STK32B: variants seen among roughly 807,000 people sequenced by gnomAD.
STK32B encodes the protein serine/threonine kinase 32B.
Under a neutral mutation model 52.6 loss-of-function variants are expected in STK32B, and 43 were observed. The observed-to-expected ratio is 0.82, with a 90% CI of 0.64 to 1.05. The LOEUF (loss-of-function observed/expected upper bound fraction) is 1.05. Ranked by LOEUF, STK32B falls within the 50% of genes least tolerant of loss-of-function variation. The pLI, the probability that STK32B is intolerant of heterozygous loss-of-function variation, is 0.00. For missense variants in STK32B, 621 were observed against 534.6 expected, an observed-to-expected ratio of 1.16 and a Z score of -1.59; for synonymous variants, 238 against 204.3, an observed-to-expected ratio of 1.17 and a Z score of -1.41.
chr4:5,191,422 T>C (rs1003977566), intron 3 of STK32B, among the ~76,000 whole-genome samples: 1 of 152,004 alleles, frequency 6.6e-6, no homozygotes, highest in African/African-American at 2.4e-5. Flanking sequence ...GGCTAATTTT[T>C]GTTGTATTTT....
chr4:5,251,510 G>T (rs1047342313), intron 3 of STK32B, among the ~76,000 whole-genome samples: 4 of 152,084 alleles, frequency 2.6e-5, no homozygotes, highest in African/African-American at 9.7e-5. Context: ...AGTCAGGTAA[G>T]CATGAAGCCT....
chr4:5,255,461 T>C lies in STK32B; in HGVS notation c.261-75759T>C, dbSNP rs188944221. Among the ~76,000 whole-genome samples, 35 of 152,272 alleles carry C rather than the reference T, an allele frequency of 2.3e-4. No homozygotes were observed. In the East Asian group the frequency reaches 6.2e-3, roughly 27 times the overall value. On this transcript the variant is annotated intron_variant, in intron 3 of 11. Coordinates refer to ENST00000282908, the MANE Select transcript of STK32B (RefSeq NM_018401.3). ...TTTAGGTAACATACATACAGCAAAG[T>C]GAATTGGTCTTAACCAGATAGCTCA...
chr4:5,162,320 A>T (rs750321608), intron 2 of STK32B, among the ~76,000 whole-genome samples: 1 of 152,138 alleles, frequency 6.6e-6, no homozygotes, highest in African/African-American at 2.4e-5. Flanking sequence ...CTTCCCTGGG[A>T]TACATCTAAA....
chr4:5,297,248 G>T (rs1239405038), intron 3 of STK32B, among the ~76,000 whole-genome samples: 1 of 152,060 alleles, frequency 6.6e-6, no homozygotes, highest in Non-Finnish European at 1.5e-5. Context: ...TCTGACGATT[G>T]TATGTCTTTG....
intron 4 of STK32B, among the ~76,000 whole-genome samples, chr4:5,359,077 A>T (rs538653161): frequency 7.0e-4 from 106 of 152,290 alleles, no homozygotes; most frequent in African/African-American, 2.4e-3. Context: ...CTTGTGCAGG[A>T]CCTTGAGTGC....
At chr4:5,229,717 A>T (rs1724122939) in intron 3 of STK32B, among the ~76,000 whole-genome samples, 1 of 152,190 alleles carries the variant, frequency 6.6e-6, no homozygotes, top group Non-Finnish European at 1.5e-5. Context: ...AGGCAAATTT[A>T]AAATTATATA....
At chr4:5,154,940 A>C (rs1346992912) in intron 2 of STK32B, among the ~76,000 whole-genome samples, 1 of 152,154 alleles carries the variant, frequency 6.6e-6, no homozygotes. Flanking sequence ...CCCACTCGGG[A>C]TATGTGCCAG....
In STK32B at chr4:5,396,439, A is replaced by G. The variant is rs1040292270; in HGVS notation, c.435-1768A>G. Among the ~76,000 whole-genome samples, 1 of 152,096 alleles carries G rather than the reference A, an allele frequency of 6.6e-6. No individual in the cohort carries two copies. Among genetic ancestry groups the G allele is most frequent in the African/African-American group, 2.4e-5 (1 of 41,412 alleles). On this transcript the variant is annotated intron_variant, in intron 4 of 11. Transcript: ENST00000282908. The surrounding 1 kb of genome is among the most constrained non-coding windows in gnomAD (Gnocchi z 4.7). ...AGATCCTTAAGTAATTACCTCTGCAAAGACTCCATTTCCATATAGGGTCCC... is the reference window on the plus strand; with the variant it reads ...AGATCCTTAAGTAATTACCTCTGCAGAGACTCCATTTCCATATAGGGTCCC...
intron 7 of STK32B, among the ~76,000 whole-genome samples, chr4:5,449,465 A>G (rs1440142009): frequency 6.6e-6 from 1 of 152,230 alleles, no homozygotes; most frequent in Non-Finnish European, 1.5e-5. Flanking sequence ...GACCCAGGAA[A>G]ACAGCTGTTT....
chr4:5,171,185 T>G lies in STK32B; in HGVS notation c.260+2735T>G, dbSNP rs370820207. Among the ~76,000 whole-genome samples, 328 of 152,162 alleles carry G rather than the reference T, an allele frequency of 2.2e-3. 7 individuals are homozygous for G. In the East Asian group the frequency reaches 0.053, roughly 24 times the overall value. ...TTTTTTCTTGTAAATTTGTTTGAGT[T>G]CATTGTAGATTCTGGATATTAGCCC... On this transcript the variant is annotated intron_variant, in intron 3 of 11. Coordinates refer to ENST00000282908, the MANE Select transcript of STK32B (RefSeq NM_018401.3).
At chr4:5,496,381 C>T (rs1720250842) in intron 11 of STK32B, among the ~76,000 whole-genome samples, 1 of 152,216 alleles carries the variant, frequency 6.6e-6, no homozygotes, top group Non-Finnish European at 1.5e-5. Context: ...ACCCTCCGAG[C>T]CAGGTGCGGG....
chr4:5,077,513 T>A (rs1712153801), intron 1 of STK32B, among the ~76,000 whole-genome samples: 1 of 152,132 alleles, frequency 6.6e-6, no homozygotes, highest in African/African-American at 2.4e-5. Flanking sequence ...TCAGAATGGG[T>A]GCTTGAGGTA....
intron 3 of STK32B, among the ~76,000 whole-genome samples, chr4:5,261,174 C>A (rs557174054): frequency 6.6e-6 from 1 of 152,148 alleles, no homozygotes; most frequent in Non-Finnish European, 1.5e-5. Context: ...TGACATCCTT[C>A]ACTACAGCCT....
intron 4 of STK32B, among the ~76,000 whole-genome samples, chr4:5,349,315 A>G (rs1733676197): frequency 6.6e-6 from 1 of 152,200 alleles, no homozygotes; most frequent in Non-Finnish European, 1.5e-5. Flanking sequence ...GCAAAACTTC[A>G]GCAGAGCCTC....
rs1308070294 is a variant in STK32B at position 5,470,619 on chromosome 4, G to A, written c.1106+2549G>A. On this transcript the variant is annotated intron_variant, in intron 11 of 11. Coordinates refer to ENST00000282908, the MANE Select transcript of STK32B (RefSeq NM_018401.3). The surrounding 1 kb of genome is among the most constrained non-coding windows in gnomAD (Gnocchi z 4.6). Reference sequence around the variant, plus strand: ...CTGTGTCCCCCAAGATGCATCAGCCGACCCCATCCCCACCTCATCTTGTGG... The same window carrying A: ...CTGTGTCCCCCAAGATGCATCAGCCAACCCCATCCCCACCTCATCTTGTGG... Among the ~76,000 whole-genome samples, 5 of 151,878 alleles carry A rather than the reference G, an allele frequency of 3.3e-5. No homozygotes were observed. Among genetic ancestry groups the A allele is most frequent in the Admixed American group, 2.0e-4 (3 of 15,240 alleles).
At chr4:5,296,965 C>G (rs971449557) in intron 3 of STK32B, among the ~76,000 whole-genome samples, 2 of 152,140 alleles carry the variant, frequency 1.3e-5, no homozygotes, top group African/African-American at 4.8e-5. Context: ...TCTTGTAAGG[C>G]AGGCCTGGTG....
intron 5 of STK32B, among the ~76,000 whole-genome samples, chr4:5,409,039 C>T (rs539420277): frequency 1.3e-5 from 2 of 152,230 alleles, no homozygotes; most frequent in African/African-American, 4.8e-5. Context: ...ACTGTTTACA[C>T]CACGGATGGG....
intron 1 of STK32B, among the ~76,000 whole-genome samples, chr4:5,137,149 T>A (rs545671515): frequency 1.3e-5 from 2 of 152,308 alleles, no homozygotes; most frequent in African/African-American, 4.8e-5. Context: ...AAGTCTCACC[T>A]CTACAGCGAT....
At chr4:5,281,107 G>C (rs986842473) in intron 3 of STK32B, among the ~76,000 whole-genome samples, 4 of 151,706 alleles carry the variant, frequency 2.6e-5, no homozygotes, top group Non-Finnish European at 4.4e-5. Context: ...AGAGAGAGAG[G>C]GCAAAGGGGG....
Sources: allele counts gnomAD v4.1 joint callset (sites outside exome capture counted in the v4.1 genomes callset), GRCh38; gene constraint gnomAD v4.1.1; non-coding constraint Gnocchi (gnomAD v3.1); transcripts MANE v1.5; gene names NCBI Gene and HGNC (gene_info 2026-07-23, HGNC 2026-07-21).